The following EPB41L5 variants were observed in gnomAD, a reference collection of about 807,000 sequenced individuals.
EPB41L5 encodes the protein erythrocyte membrane protein band 4.1 like 5.
In EPB41L5, 55 loss-of-function variants were observed where a neutral mutation model predicts 106.6. That is an observed-to-expected ratio of 0.52 (90% CI 0.42 to 0.65). EPB41L5 has a LOEUF of 0.65. Among genes scored for constraint, EPB41L5 ranks in the 30% least tolerant of loss-of-function variants. The pLI, the probability that EPB41L5 is intolerant of heterozygous loss-of-function variation, is 0.00. For synonymous variants in EPB41L5, 297 were observed against 306.7 expected (o/e 0.97, Z 0.33); for missense variants, 871 against 882.1 (o/e 0.99, Z 0.16).
At chr2:120,123,684 T>G (rs1685333745) in intron 16 of EPB41L5, among the ~76,000 whole-genome samples, 1 of 109,582 alleles carries the variant, frequency 9.1e-6, no homozygotes, top group African/African-American at 3.5e-5. Flanking sequence ...TGATACAGGG[T>G]CTCACTCCTG....
rs923025852 is a variant in EPB41L5 at position 120,098,706 on chromosome 2, A to G, written c.1179-1538A>G. On this transcript the variant is annotated intron_variant, in intron 14 of 24. Transcript: ENST00000263713. The stretch of plus-strand genomic sequence containing the variant: ...TGCAAGTTATAGTGACTCAACTTGT[A>G]ATTGATCTGTAGTTCTTAAAAAAAT... 2.6e-5 allele frequency among the ~76,000 whole-genome samples: 4 copies of G among 152,190 alleles called. No individual in the cohort carries two copies. The East Asian group carries it at 7.7e-4, about 29-fold the overall frequency.
intron 2 of EPB41L5, among the ~76,000 whole-genome samples, chr2:120,038,361 T>C (rs774866166): frequency 3.9e-5 from 6 of 152,122 alleles, no homozygotes; most frequent in Admixed American, 1.3e-4. Flanking sequence ...TTTTAAAAAG[T>C]AAAAGAGAAA....
rs2105588068 is a variant in EPB41L5, at chr2:120,175,820, C to T, written c.*913C>T. 1 of 152,146 alleles carries T rather than the reference C, an allele frequency of 6.6e-6. No individual in the cohort carries two copies. Among genetic ancestry groups the T allele is most frequent in the African/African-American group, 2.4e-5 (1 of 41,484 alleles). 9.4% of individuals were successfully genotyped at this position (152,146 alleles called of 1,614,324 possible). ...TCCTATTTGGACATAGACTTCATTT[C>T]CTTTCAGTATAAGCTGAATAAATTT... On this transcript the variant is annotated 3_prime_UTR_variant, in exon 25 of 25. Transcript: ENST00000263713.
At chr2:120,164,812 A>C in intron 21 of EPB41L5, 24 bp from the exon 22 acceptor site, 1 of 1,567,248 alleles carries the variant, frequency 6.4e-7, no homozygotes, top group Non-Finnish European at 8.7e-7. Flanking sequence ...TCATTTAACA[A>C]TTCTAGATTC....
Position 120,033,553 on chromosome 2 carries a change from C to T in EPB41L5, c.181-8453C>T, listed in dbSNP as rs1408175009. On this transcript the variant is annotated intron_variant, in intron 2 of 24. Coordinates refer to ENST00000263713, the MANE Select transcript of EPB41L5 (RefSeq NM_020909.4). ...TGAAACCCCATCTCTATTAAAAATA[C>T]AAAATTAGCCGGGCGTAGTAGCAGG... 2.6e-5 allele frequency among the ~76,000 whole-genome samples: 4 copies of T among 151,466 alleles called. No individual in the cohort carries two copies. In the South Asian group the frequency reaches 8.3e-4, roughly 32 times the overall value.
chr2:120,132,006 A>G (rs1426948662), intron 18 of EPB41L5, among the ~76,000 whole-genome samples: 3 of 152,168 alleles, frequency 2.0e-5, no homozygotes, highest in Non-Finnish European at 4.4e-5. Flanking sequence ...TAGTTGGAAG[A>G]CTTGCTGAAG....
At chr2:120,062,605 C>T (rs1293906953) in intron 3 of EPB41L5, among the ~76,000 whole-genome samples, 2 of 152,028 alleles carry the variant, frequency 1.3e-5, no homozygotes, top group African/African-American at 4.8e-5. Context: ...TTTCTTTTAT[C>T]TAGATAGTGT....
chr2:120,124,524 G>A (rs541347938), intron 16 of EPB41L5, among the ~76,000 whole-genome samples: 1 of 152,288 alleles, frequency 6.6e-6, no homozygotes, highest in East Asian at 1.9e-4. Context: ...TCCCAATGCA[G>A]ACATGACGTT....
chr2:120,171,870 G>A (rs1459757000), intron 24 of EPB41L5, among the ~76,000 whole-genome samples: 1 of 151,418 alleles, frequency 6.6e-6, no homozygotes, highest in African/African-American at 2.4e-5. Flanking sequence ...TGAAAAACAA[G>A]GAAATAAAGG....
intron 16 of EPB41L5, among the ~76,000 whole-genome samples, chr2:120,110,257 A>G (rs1021532347): frequency 6.6e-6 from 1 of 152,174 alleles, no homozygotes; most frequent in African/African-American, 2.4e-5. Flanking sequence ...ATTGTCTTCT[A>G]ACCTCCCTTC....
At chr2:120,149,847 A>G (rs751709496) in intron 20 of EPB41L5, among the ~76,000 whole-genome samples, 39 of 149,658 alleles carry the variant, frequency 2.6e-4, no homozygotes, top group Non-Finnish European at 5.3e-4. Flanking sequence ...CCCAGTAATG[A>G]GTGAGGGTTT....
intron 3 of EPB41L5, among the ~76,000 whole-genome samples, chr2:120,047,180 T>G (rs1006344669): frequency 6.6e-6 from 1 of 152,232 alleles, no homozygotes; most frequent in Admixed American, 6.5e-5. Context: ...TAAAGTAGTT[T>G]TTTCCAATTC....
chr2:120,087,819 G>T (rs1558863517), intron 11 of EPB41L5, among the ~76,000 whole-genome samples: 2 of 139,104 alleles, frequency 1.4e-5, no homozygotes. Context: ...TGATCAAAAA[G>T]ATCTACCTAA....
chr2:120,149,677 A>T (rs1686580034), intron 20 of EPB41L5, among the ~76,000 whole-genome samples: 1 of 152,198 alleles, frequency 6.6e-6, no homozygotes, highest in African/African-American at 2.4e-5. Context: ...TGTTAGGAAT[A>T]TTGCAGCTAT....
intron 23 of EPB41L5, among the ~76,000 whole-genome samples, 175 bp downstream of exon 23, chr2:120,167,682 T>A (rs1194877770): frequency 6.6e-6 from 1 of 152,228 alleles, no homozygotes; most frequent in Non-Finnish European, 1.5e-5. Flanking sequence ...GTTGTAAATG[T>A]TTGTCAGGAT....
Position 120,122,270 on chromosome 2 carries a change from T to G in EPB41L5, c.1338-5418T>G, listed in dbSNP as rs571922910. Among the ~76,000 whole-genome samples the G allele has an allele frequency of 9.2e-5, 14 of 152,314 alleles. 1 individual carries two copies. In the East Asian group the frequency reaches 2.7e-3, roughly 29 times the overall value. On this transcript the variant is annotated intron_variant, in intron 16 of 24. Coordinates refer to ENST00000263713, the MANE Select transcript of EPB41L5 (RefSeq NM_020909.4). ...TTGCCCATGCCTATATTCTGAATGG[T>G]ATTGCCTAGGTTTTCTTCTATGGTT...
chr2:120,156,316 G>A (rs1486552368), intron 20 of EPB41L5, among the ~76,000 whole-genome samples: 1 of 152,180 alleles, frequency 6.6e-6, no homozygotes, highest in African/African-American at 2.4e-5. Flanking sequence ...CTGGCAGACT[G>A]TGCCTGACTT....
intron 16 of EPB41L5, among the ~76,000 whole-genome samples, chr2:120,124,057 G>GTTGGTTCT (rs1324395741): frequency 6.6e-6 from 1 of 152,196 alleles, no homozygotes; most frequent in Non-Finnish European, 1.5e-5. Flanking sequence ...GACTTACTTG[G>GTTGGTTCT]TTGGTTCTTT....
At chr2:120,034,113 C>T (rs1432843604) in intron 2 of EPB41L5, among the ~76,000 whole-genome samples, 1 of 152,112 alleles carries the variant, frequency 6.6e-6, no homozygotes, top group East Asian at 1.9e-4. Context: ...AATCATGTAT[C>T]GTTTACTTCA....
Sources: allele counts gnomAD v4.1 joint callset (sites outside exome capture counted in the v4.1 genomes callset), GRCh38; gene constraint gnomAD v4.1.1; transcripts MANE v1.5; gene names NCBI Gene and HGNC (gene_info 2026-07-23, HGNC 2026-07-21).